The following OSBPL11 variants were observed in gnomAD, a reference collection of about 807,000 sequenced individuals.
The protein encoded by OSBPL11 is oxysterol-binding protein-related protein 11.
Under a neutral mutation model 84.4 loss-of-function variants are expected in OSBPL11, and 33 were observed. That is an observed-to-expected ratio of 0.39 (90% CI 0.30 to 0.52). The LOEUF is 0.52. OSBPL11 is among the 20% of genes least tolerant of loss of function. OSBPL11 has a pLI of 0.72. For synonymous variants in OSBPL11, 276 were observed against 310.2 expected, an observed-to-expected ratio of 0.89 and a Z score of 1.16; for missense variants, 736 against 901.1, an observed-to-expected ratio of 0.82 and a Z score of 2.35.
At chr3:125,579,102 C>A (rs1042374486) in intron 3 of OSBPL11, 63 bp from the exon 4 acceptor site, 190 of 1,185,506 alleles carry the variant, frequency 1.6e-4, no homozygotes, top group Non-Finnish European at 2.1e-4. Flanking sequence ...TAATTGCCTA[C>A]AGTATGAAGA....
intron 9 of OSBPL11, 85 bp from the exon 10 acceptor site, chr3:125,547,677 G>A (rs1375524468): frequency 3.8e-6 from 4 of 1,047,224 alleles, no homozygotes; most frequent in Non-Finnish European, 5.4e-6. Context: ...TTCTTGTCTA[G>A]TAAATAAGCA....
chr3:125,540,328 C>CAAAAAAAAAAAAAAAAAA (rs201858368), intron 10 of OSBPL11, among the ~76,000 whole-genome samples: 2 of 85,338 alleles, frequency 2.3e-5, no homozygotes, highest in Non-Finnish European at 2.1e-5. Flanking sequence ...GGCTCTGTCT[C>CAAAAAAAAAAAAAAAAAA]AAAAAAAAAA....
chr3:125,538,315 T>A (rs1935673668), intron 11 of OSBPL11, 136 bp downstream of exon 11: 1 of 729,588 alleles, frequency 1.4e-6, no homozygotes. Context: ...TAACAACAGA[T>A]CAGACTAATG....
intron 8 of OSBPL11, among the ~76,000 whole-genome samples, chr3:125,556,841 A>G (rs1280547443): frequency 6.6e-6 from 1 of 152,244 alleles, no homozygotes; most frequent in African/African-American, 2.4e-5. Context: ...TATGGAGGAA[A>G]AAGTAGAGGA....
At position 125,583,042 on chromosome 3, in the gene OSBPL11, A is replaced by G. The variant is rs553040864; in HGVS notation, c.165-64T>C. 3.3e-6 allele frequency: 4 copies of G among 1,203,532 alleles called. No homozygotes were observed. In the Admixed American group the frequency reaches 7.7e-5, roughly 23 times the overall value. 74.6% of individuals were successfully genotyped at this position (1,203,532 alleles called of 1,614,324 possible). A position where few individuals can be genotyped will look rare whatever the true frequency, so the allele number is the denominator to read the frequency against. ...GAAGAAATCCCAGGAGGATAATGGT[A>G]CAATTTTCAAAATAGCTGCAGATAC... On this transcript the variant is annotated intron_variant, in intron 1 of 12. Coordinates refer to ENST00000296220, the MANE Select transcript of OSBPL11 (RefSeq NM_022776.5).
intron 2 of OSBPL11, among the ~76,000 whole-genome samples, chr3:125,580,514 CAAAAAAAAAAAAA>C (rs56041212): frequency 3.2e-4 from 21 of 64,980 alleles, no homozygotes; most frequent in Admixed American, 1.4e-3. Flanking sequence ...AACTCCGTCT[CAAAAAAAAAAAAA>C]AAAAAAAAAA....
chr3:125,550,273 G>A (rs540478158), intron 9 of OSBPL11, among the ~76,000 whole-genome samples: 3 of 152,034 alleles, frequency 2.0e-5, no homozygotes, highest in Non-Finnish European at 4.4e-5. Flanking sequence ...TACTGTGGAA[G>A]CTGGGGTGGG....
At chr3:125,576,438 C>A (rs1020538083) in intron 4 of OSBPL11, 73 bp from the exon 5 acceptor site, 3 of 1,216,228 alleles carry the variant, frequency 2.5e-6, no homozygotes, top group Non-Finnish European at 3.3e-6. Flanking sequence ...AACTACCATA[C>A]ACTTAAGATT....
intron 8 of OSBPL11, among the ~76,000 whole-genome samples, chr3:125,555,966 A>C (rs1935985603): frequency 6.6e-6 from 1 of 152,236 alleles, no homozygotes; most frequent in South Asian, 2.1e-4. Flanking sequence ...TACAGGCGTG[A>C]GCCACTGCAC....
intron 4 of OSBPL11, among the ~76,000 whole-genome samples, chr3:125,577,241 A>G (rs1376281072): frequency 1.3e-5 from 2 of 152,194 alleles, no homozygotes; most frequent in South Asian, 4.1e-4. Context: ...AAGCCAAGTT[A>G]TCACCTAGGT....
intron 10 of OSBPL11, among the ~76,000 whole-genome samples, chr3:125,543,630 G>A (rs1280778180): frequency 6.6e-6 from 1 of 152,128 alleles, no homozygotes; most frequent in African/African-American, 2.4e-5. Context: ...TGGGCACAGT[G>A]GCTCAAACAC....
chr3:125,571,085 C>G (rs1936236016), intron 5 of OSBPL11, among the ~76,000 whole-genome samples: 1 of 152,166 alleles, frequency 6.6e-6, no homozygotes, highest in African/African-American at 2.4e-5. Flanking sequence ...AGTGTCCAGG[C>G]TGAGGCGATC....
chr3:125,584,195 T>C (rs1386234882), intron 1 of OSBPL11, among the ~76,000 whole-genome samples: 2 of 151,930 alleles, frequency 1.3e-5, no homozygotes, highest in Non-Finnish European at 1.5e-5. Context: ...TGAAACCCCA[T>C]CTCAACAAAA....
chr3:125,577,696 G>A (rs2107607933), intron 4 of OSBPL11, among the ~76,000 whole-genome samples: 1 of 152,232 alleles, frequency 6.6e-6, no homozygotes, highest in East Asian at 1.9e-4. Flanking sequence ...GGGCGTGGTG[G>A]CAGGTGCCTG....
intron 7 of OSBPL11, among the ~76,000 whole-genome samples, chr3:125,562,676 C>T (rs1936095660): frequency 6.6e-6 from 1 of 152,190 alleles, no homozygotes; most frequent in Non-Finnish European, 1.5e-5. Context: ...CCTGTAATCC[C>T]AGCATTTTGG....
intron 5 of OSBPL11, among the ~76,000 whole-genome samples, chr3:125,572,612 T>G (rs965079344): frequency 6.6e-6 from 1 of 151,568 alleles, no homozygotes; most frequent in African/African-American, 2.4e-5. Context: ...TAAAGAGGAG[T>G]TCCCCTGCAC....
rs1936658071 is a variant in OSBPL11, at chr3:125,594,905, T to C, written c.-105A>G. 8.5e-7 allele frequency: 1 copy of C among 1,178,900 alleles called. No homozygotes were observed. Among genetic ancestry groups the C allele is most frequent in the Non-Finnish European group, 1.2e-6 (1 of 842,384 alleles). The allele number at this position is 1,178,900 out of a possible 1,614,324, so 73.0% of individuals were successfully genotyped here. On this transcript the variant is annotated 5_prime_UTR_variant, in exon 1 of 13. Transcript: ENST00000296220. Reference sequence around the variant, plus strand: ...GATTTGATCTGAATATGATACCGGTTGCTAAATCACACGGCGGCTGGGGCG... The same window carrying C: ...GATTTGATCTGAATATGATACCGGTCGCTAAATCACACGGCGGCTGGGGCG...
At chr3:125,593,499 A>G (rs1936632798) in intron 1 of OSBPL11, among the ~76,000 whole-genome samples, 1 of 151,890 alleles carries the variant, frequency 6.6e-6, no homozygotes, top group Non-Finnish European at 1.5e-5. Context: ...GCACGCCTGT[A>G]ATCCCAGCTA....
At chr3:125,542,752 T>C (rs1023151496) in intron 10 of OSBPL11, among the ~76,000 whole-genome samples, 15 of 152,106 alleles carry the variant, frequency 9.9e-5, no homozygotes, top group Non-Finnish European at 2.1e-4. Context: ...TCTTGTGATC[T>C]ACCCGCCTCG....
Sources: gnomAD v4.1 joint callset for allele counts (sites outside exome capture counted in the v4.1 genomes callset) on GRCh38, gnomAD v4.1.1 for gene constraint, MANE v1.5 for transcripts, NCBI Gene and HGNC (gene_info 2026-07-23, HGNC 2026-07-21) for gene names.